The following DMD variants were observed in gnomAD, a reference collection of about 807,000 sequenced individuals.
DMD encodes mutant dystrophin.
A neutral mutation model predicts 330.1 loss-of-function variants in DMD; 63 were observed. The ratio of observed to expected loss-of-function variants is 0.19; its 90% CI spans 0.16 to 0.24. The LOEUF is 0.24. Among genes scored for constraint, DMD ranks in the 10% least tolerant of loss-of-function variants. The pLI is 1.00. For missense variants in DMD, 3,344 were observed against 2,684.1 expected, an observed-to-expected ratio of 1.25 and a Z score of -5.43; for synonymous variants, 1,223 against 959.8, an observed-to-expected ratio of 1.27 and a Z score of -5.07.
intron 60 of DMD, among the ~76,000 whole-genome samples, chrX:31,392,830 T>C (rs1357901956): frequency 8.9e-6 from 1 of 112,209 alleles, no homozygotes; most frequent in Non-Finnish European, 1.9e-5. Flanking sequence ...TAGAAACAGA[T>C]AGAGAATGAA....
At chrX:31,300,422 T>C (rs906613239) in intron 62 of DMD, among the ~76,000 whole-genome samples, 1 of 112,153 alleles carries the variant, frequency 8.9e-6, no homozygotes, top group Non-Finnish European at 1.9e-5. Context: ...ATAGGGTCTG[T>C]AGAACTATCA....
chrX:31,960,800 T>A, intron 45 of DMD, among the ~76,000 whole-genome samples: 1 of 112,350 alleles, frequency 8.9e-6, no homozygotes, highest in Non-Finnish European at 1.9e-5. Context: ...TGATTTTTCA[T>A]AGTCTTTTGA....
At chrX:31,600,624 A>G (rs1162212616) in intron 55 of DMD, among the ~76,000 whole-genome samples, 2 of 95,820 alleles carry the variant, frequency 2.1e-5, no homozygotes, top group Admixed American at 1.3e-4. Flanking sequence ...CCTATGCCCT[A>G]TGGTTTTCTG....
intron 52 of DMD, among the ~76,000 whole-genome samples, chrX:31,725,939 T>C (rs5972440): frequency 0.02 from 2,306 of 112,493 alleles, 32 homozygotes; most frequent in East Asian, 0.09. Context: ...AAGAGTTTCA[T>C]GTAATTCAGA....
intron 44 of DMD, among the ~76,000 whole-genome samples, chrX:32,027,698 A>T (rs1409594644): frequency 8.9e-6 from 1 of 112,306 alleles, no homozygotes; most frequent in Admixed American, 9.5e-5. Context: ...GTCATTTGAA[A>T]TACAGAATCA....
At chrX:32,369,910 C>T (rs1215123361) in intron 34 of DMD, among the ~76,000 whole-genome samples, 1 of 111,061 alleles carries the variant, frequency 9.0e-6, no homozygotes, top group East Asian at 2.8e-4. Context: ...CTTATTTTAG[C>T]TATTCCTTTC....
At chrX:32,587,035 A>G (rs961201886) in intron 13 of DMD, among the ~76,000 whole-genome samples, 7 of 111,515 alleles carry the variant, frequency 6.3e-5, no homozygotes, top group Admixed American at 5.7e-4. Context: ...TGTTTCAACC[A>G]TATTCCTCTT....
At chrX:32,486,742 C>A (rs749812842) in intron 20 of DMD, among the ~76,000 whole-genome samples, 8 of 106,302 alleles carry the variant, frequency 7.5e-5, no homozygotes, top group East Asian at 5.8e-4. Flanking sequence ...CAAAAACAAG[C>A]AATGGGGAAA....
intron 63 of DMD, among the ~76,000 whole-genome samples, chrX:31,223,883 T>G (rs2046339092): frequency 8.9e-6 from 1 of 112,609 alleles, no homozygotes; most frequent in Non-Finnish European, 1.9e-5. Flanking sequence ...AAAAATATAA[T>G]TAGGAATAAA....
At chrX:32,964,255 CA>C (rs781702491) in intron 2 of DMD, among the ~76,000 whole-genome samples, 397 of 35,155 alleles carry the variant, frequency 0.011, 1 homozygote, top group Middle Eastern at 0.04. Flanking sequence ...GACTCCATCT[CA>C]AAAAAAAAAA....
At chrX:32,533,063 A>G (rs1300105689) in intron 17 of DMD, among the ~76,000 whole-genome samples, 1 of 111,412 alleles carries the variant, frequency 9.0e-6, no homozygotes, top group African/African-American at 3.3e-5. Flanking sequence ...TGATACACAA[A>G]ACCTAAAATA....
At chrX:32,688,308 C>T (rs1207089659) in intron 9 of DMD, among the ~76,000 whole-genome samples, 2 of 111,943 alleles carry the variant, frequency 1.8e-5, no homozygotes, top group African/African-American at 6.5e-5. Flanking sequence ...TATCAAGAGA[C>T]AAAAAAGTCA....
chrX:33,237,889 A>G (rs1432693960), intron 1 of DMD, among the ~76,000 whole-genome samples: 1 of 112,266 alleles, frequency 8.9e-6, no homozygotes, highest in Non-Finnish European at 1.9e-5. Flanking sequence ...ATACGTGCAC[A>G]ACAAAAGCTT....
intron 55 of DMD, among the ~76,000 whole-genome samples, chrX:31,584,351 A>C (rs968217861): frequency 9.0e-6 from 1 of 110,628 alleles, no homozygotes; most frequent in Non-Finnish European, 1.9e-5. Flanking sequence ...AAGTGAGAAC[A>C]TGTGATATTT....
At chrX:32,005,002 T>C (rs1316146668) in intron 44 of DMD, among the ~76,000 whole-genome samples, 7 of 111,764 alleles carry the variant, frequency 6.3e-5, no homozygotes, top group Non-Finnish European at 1.3e-4. Context: ...CACTGCTGCA[T>C]GCACTCTAAA....
At chrX:31,768,885 A>G (rs1569376444) in intron 51 of DMD, among the ~76,000 whole-genome samples, 1 of 112,205 alleles carries the variant, frequency 8.9e-6, no homozygotes, top group Non-Finnish European at 1.9e-5. Context: ...TCTACTGTCT[A>G]AAATGAAGCA....
intron 41 of DMD, among the ~76,000 whole-genome samples, chrX:32,332,210 A>G (rs12014695): frequency 0.03 from 3,401 of 111,565 alleles, 134 homozygotes; most frequent in African/African-American, 0.1. Flanking sequence ...TTAAACAAAT[A>G]TATACTGTGT....
intron 7 of DMD, among the ~76,000 whole-genome samples, chrX:32,707,414 A>T (rs1427851039): frequency 8.9e-6 from 1 of 112,049 alleles, no homozygotes; most frequent in Non-Finnish European, 1.9e-5. Context: ...AATACCAAAC[A>T]TCCTGAGAGT....
At chrX:32,462,281 A>T (rs898470738) in intron 25 of DMD, among the ~76,000 whole-genome samples, 3 of 111,572 alleles carry the variant, frequency 2.7e-5, no homozygotes, top group African/African-American at 9.8e-5. Flanking sequence ...ATAAAATAGA[A>T]CAAGTTATCT....
Sources: gnomAD v4.1 joint callset for allele counts (sites outside exome capture counted in the v4.1 genomes callset) on GRCh38, gnomAD v4.1.1 for gene constraint, MANE v1.5 for transcripts, NCBI Gene and HGNC (gene_info 2026-07-23, HGNC 2026-07-21) for gene names.